The following PCDHA7 variants were observed in gnomAD, a reference collection of about 807,000 sequenced individuals.
PCDHA7 encodes protocadherin alpha-7.
PCDHA7 carries 37 observed loss-of-function variants against 57.2 expected under a neutral mutation model. The ratio of observed to expected loss-of-function variants is 0.65; its 90% CI spans 0.50 to 0.85. PCDHA7 has a LOEUF of 0.85. Among genes scored for constraint, PCDHA7 ranks in the 40% least tolerant of loss-of-function variants. PCDHA7 has a pLI of 0.00. For synonymous variants in PCDHA7, 553 were observed against 558.8 expected, an observed-to-expected ratio of 0.99 and a Z score of 0.15; for missense variants, 1,188 against 1,241.8, an observed-to-expected ratio of 0.96 and a Z score of 0.65.
chr5:140,856,991 T>A, intron 1 of PCDHA7: 1 of 1,595,770 alleles, frequency 6.3e-7, no homozygotes, highest in Non-Finnish European at 8.6e-7. Flanking sequence ...CAGTAACACT[T>A]ATGAAATTCA....
In PCDHA7 at chr5:140,834,285, A is replaced by G; in HGVS notation, c.-99A>G. 8.5e-7 allele frequency: 1 copy of G among 1,171,912 alleles called. No homozygotes were observed. Among genetic ancestry groups the G allele is most frequent in the South Asian group, 1.5e-5 (1 of 67,036 alleles). The allele number at this position is 1,171,912 out of a possible 1,614,324, so 72.6% of individuals were successfully genotyped here. On this transcript the variant is annotated 5_prime_UTR_variant, in exon 1 of 4. Coordinates refer to ENST00000525929, the MANE Select transcript of PCDHA7 (RefSeq NM_018910.3). ...CTCTCTTTCACTCTTTGGATGCACA[A>G]CAATGGCCACACATCGAGATTGAAA...
chr5:140,880,645 C>T (rs535367313), intron 1 of PCDHA7, among the ~76,000 whole-genome samples: 5 of 152,148 alleles, frequency 3.3e-5, no homozygotes, highest in Admixed American at 3.3e-4. Flanking sequence ...CACTTGAGAG[C>T]CCAACTGAGG....
rs2150233090 is a variant in PCDHA7 at position 140,847,186 on chromosome 5, T to C, written c.2355+10448T>C. On this transcript the variant is annotated intron_variant, in intron 1 of 3. Transcript: ENST00000525929. ...TAATAAACTAAAGGGCCATGAGTGA[T>C]TAAGGAATTTGGCCACTCTTTAGAA... Among the ~76,000 whole-genome samples, 2 of 149,618 alleles carry C rather than the reference T, an allele frequency of 1.3e-5. 1 individual carries two copies. Among genetic ancestry groups the C allele is most frequent in the African/African-American group, 4.9e-5 (2 of 40,934 alleles).
chr5:140,843,511 C>G (rs1554140155), intron 1 of PCDHA7: 1 of 1,595,670 alleles, frequency 6.3e-7, no homozygotes, highest in Non-Finnish European at 8.6e-7. Context: ...CCACTGAGGG[C>G]GGGTGCCGGG....
At chr5:140,927,481 G>C in intron 1 of PCDHA7, 2 of 1,614,072 alleles carry the variant, frequency 1.2e-6, no homozygotes, top group Non-Finnish European at 1.7e-6. Context: ...CGAACAGCGC[G>C]CCACCCACCT....
intron 1 of PCDHA7, among the ~76,000 whole-genome samples, chr5:140,915,331 T>G (rs1485344164): frequency 6.6e-6 from 1 of 152,184 alleles, no homozygotes; most frequent in Non-Finnish European, 1.5e-5. Context: ...TGTTATAATA[T>G]TCTGTGTTTT....
intron 1 of PCDHA7, chr5:140,928,846 C>A: frequency 1.2e-6 from 2 of 1,614,192 alleles, no homozygotes; most frequent in Non-Finnish European, 1.7e-6. Context: ...CTCTGTCACT[C>A]TGGGTGTGCT....
chr5:140,927,099 T>C (rs782352775), intron 1 of PCDHA7: 1 of 1,613,434 alleles, frequency 6.2e-7, no homozygotes, highest in Non-Finnish European at 8.5e-7. Context: ...TCGGGGTGGA[T>C]CTACCCAGCG....
intron 1 of PCDHA7, chr5:140,929,129 C>A (rs1206531954): frequency 6.2e-7 from 1 of 1,614,052 alleles, no homozygotes; most frequent in East Asian, 2.2e-5. Context: ...GATGTCACTA[C>A]AGTTGAGAGA....
chr5:140,997,559 T>A (rs550494855), intron 3 of PCDHA7, among the ~76,000 whole-genome samples: 2 of 152,148 alleles, frequency 1.3e-5, no homozygotes, highest in South Asian at 4.1e-4. Flanking sequence ...ACAGGACAAC[T>A]GTCATATGTG....
At chr5:140,909,598 T>A (rs934160611) in intron 1 of PCDHA7, among the ~76,000 whole-genome samples, 1 of 152,198 alleles carries the variant, frequency 6.6e-6, no homozygotes, top group Non-Finnish European at 1.5e-5. Flanking sequence ...ATTTACTATT[T>A]TTCTAGGTAG....
At chr5:140,853,891 G>T in intron 1 of PCDHA7, 1 of 976,002 alleles carries the variant, frequency 1.0e-6, no homozygotes. Flanking sequence ...AATTTAAAAA[G>T]ATGTGGTGGC....
intron 1 of PCDHA7, chr5:140,849,498 A>G: frequency 6.3e-7 from 1 of 1,593,626 alleles, no homozygotes. Context: ...TGGTCATTGT[A>G]CACTTCTTGT....
At position 140,836,427 on chromosome 5, in the gene PCDHA7, G is replaced by T. The variant is rs2150260736; in HGVS notation, c.2044G>T (p.Ala682Ser). ...CCAGGCACCAAAGGCGTCGTCGCGG[G>T]CATCGTTGGGCATTGCAGGCCCAGA... Reference protein sequence around the residue: ...SGQAPKASSRASLGIAGPETE... With the variant: ...SGQAPKASSRSSLGIAGPETE... Residue 682 changes from alanine (A) to serine (S), a missense_variant, in exon 1 of 4, where the codon GCA becomes TCA. By Grantham distance (99) the Ala-to-Ser change is moderately conservative. This residue lies in a region of PCDHA7 where 892 missense variants were observed against 788.5 expected (regional missense o/e 1.13). Coordinates refer to ENST00000525929, the MANE Select transcript of PCDHA7 (RefSeq NM_018910.3). 2.5e-6 allele frequency: 4 copies of T among 1,613,858 alleles called. No individual in the cohort carries two copies. In the South Asian group the frequency reaches 3.3e-5, roughly 13 times the overall value.
intron 1 of PCDHA7, chr5:140,850,687 A>T: frequency 6.3e-7 from 1 of 1,597,792 alleles, no homozygotes. Context: ...ACCGAGGGCG[A>T]GTGCGCGCCT....
At chr5:140,876,155 T>A in intron 1 of PCDHA7, 1 of 1,613,994 alleles carries the variant, frequency 6.2e-7, no homozygotes, top group Non-Finnish European at 8.5e-7. Context: ...TCTGTCCAGA[T>A]TCAAATAACC....
chr5:140,911,974 A>C (rs1471523711), intron 1 of PCDHA7, among the ~76,000 whole-genome samples: 3 of 152,212 alleles, frequency 2.0e-5, no homozygotes, highest in African/African-American at 4.8e-5. Flanking sequence ...GTATTAACTC[A>C]CATGATCACA....
intron 1 of PCDHA7, chr5:140,882,004 C>CA (rs1296948506): frequency 1.0e-5 from 5 of 496,760 alleles, no homozygotes; most frequent in Non-Finnish European, 1.7e-5. Flanking sequence ...ATGCAAGGGG[C>CA]AAAAAAATAC....
Position 140,841,493 on chromosome 5 carries a change from G to A in PCDHA7, c.2355+4755G>A, listed in dbSNP as rs2150316668. On this transcript the variant is annotated intron_variant, in intron 1 of 3. Coordinates refer to ENST00000525929, the MANE Select transcript of PCDHA7 (RefSeq NM_018910.3). Reference sequence around the variant, plus strand: ...GCAGGACCTGGGGCTGGAGCTGGCGGAGCTGGTGCCGCGCCTGTTCCGGGT... The same window carrying A: ...GCAGGACCTGGGGCTGGAGCTGGCGAAGCTGGTGCCGCGCCTGTTCCGGGT... 2.5e-5 allele frequency: 41 copies of A among 1,613,108 alleles called. No homozygotes were observed. The South Asian group carries it at 4.3e-4, about 17-fold the overall frequency.
Sources: gnomAD v4.1 joint callset for allele counts (sites outside exome capture counted in the v4.1 genomes callset) on GRCh38, gnomAD v4.1.1 for gene constraint, gnomAD v4.1.1 regional missense constraint, MANE v1.5 for transcripts, NCBI Gene and HGNC (gene_info 2026-07-23, HGNC 2026-07-21) for gene names.